FSTL4: variants seen among roughly 807,000 people sequenced by gnomAD.
FSTL4 encodes the protein follistatin-related protein 4.
In FSTL4, 28 loss-of-function variants were observed where a neutral mutation model predicts 78.2. That is an observed-to-expected ratio of 0.36 (90% CI 0.27 to 0.49). FSTL4 has a LOEUF of 0.49. Among genes scored for constraint, FSTL4 ranks in the 20% least tolerant of loss-of-function variants. FSTL4 has a pLI of 0.98. For missense variants in FSTL4, 922 were observed against 1,084.9 expected (o/e 0.85, Z 2.11); for synonymous variants, 422 against 440.5 (o/e 0.96, Z 0.53).
At chr5:133,618,801 C>CTG in the FSTL4 span, among the ~76,000 whole-genome samples, 2 of 152,206 alleles carry the variant, frequency 1.3e-5, no homozygotes, top group Non-Finnish European at 2.9e-5. Flanking sequence ...CAGTTACACA[C>CTG]TGTGTGTGTA....
At chr5:133,713,875 T>C in the FSTL4 span, among the ~76,000 whole-genome samples, 1 of 152,180 alleles carries the variant, frequency 6.6e-6, no homozygotes, top group East Asian at 1.9e-4. Context: ...ACTGTAGTGT[T>C]GGGCAATGCA....
At chr5:133,234,435 T>C (rs6596115) in intron 7 of FSTL4, among the ~76,000 whole-genome samples, 14,148 of 152,256 alleles carry the variant, frequency 0.093, 1,963 homozygotes, top group African/African-American at 0.3. Flanking sequence ...CAGAGTCCCC[T>C]GATGAGCACT....
chr5:133,319,527 C>A lies in FSTL4; in HGVS notation c.410-2875G>T, dbSNP rs1753995923. ...GGAGCAGGACTGCGCGTGCAGGAGC[C>A]ATGGTGGGGCACGTCTGGAGACTGG... On this transcript the variant is annotated intron_variant, in intron 4 of 15. Coordinates refer to ENST00000265342, the MANE Select transcript of FSTL4 (RefSeq NM_015082.2). Among the ~76,000 whole-genome samples, 4 of 152,218 alleles carry A rather than the reference C, an allele frequency of 2.6e-5. No homozygotes were observed. The South Asian group carries it at 8.3e-4, about 32-fold the overall frequency.
chr5:133,697,368 T>C, the FSTL4 span, among the ~76,000 whole-genome samples: 20 of 152,190 alleles, frequency 1.3e-4, no homozygotes, highest in African/African-American at 4.8e-4. Flanking sequence ...CCAGCCACAC[T>C]GGGCAGCCAC....
intron 15 of FSTL4, among the ~76,000 whole-genome samples, chr5:133,200,407 G>C (rs1750281460): frequency 1.3e-5 from 2 of 152,224 alleles, no homozygotes; most frequent in South Asian, 2.1e-4. Context: ...GGGCATTGGG[G>C]TTGAGGACAG....
At chr5:133,652,652 T>C in the FSTL4 span, among the ~76,000 whole-genome samples, 2 of 152,212 alleles carry the variant, frequency 1.3e-5, no homozygotes, top group Non-Finnish European at 2.9e-5. Flanking sequence ...CTCGTAAGCA[T>C]GTTAAGGTGT....
At chr5:133,510,919 C>T (rs572964197) in intron 3 of FSTL4, among the ~76,000 whole-genome samples, 22 of 152,142 alleles carry the variant, frequency 1.4e-4, no homozygotes, top group Non-Finnish European at 2.8e-4. Context: ...CCAGCTCTCG[C>T]TCAAAAAGGG....
At chr5:133,618,153 G>A in the FSTL4 span, among the ~76,000 whole-genome samples, 63,221 of 151,952 alleles carry the variant, frequency 0.42, 13,493 homozygotes, top group African/African-American at 0.51. Context: ...AGATACAGTA[G>A]GAGATTAACA....
rs77524950 is a variant in FSTL4 at position 133,361,348 on chromosome 5, T to C, written c.409+39390A>G. On this transcript the variant is annotated intron_variant, in intron 4 of 15. Transcript: ENST00000265342. This position sits in a 1 kb window ranked among gnomAD's most constrained non-coding sequence, Gnocchi z 4.3. ...CTTGAGATTTCGCGGTTGACTGCGA[T>C]AATCCTTTATAGTTATTTACTATCT... 4.8e-3 allele frequency among the ~76,000 whole-genome samples: 735 copies of C among 152,344 alleles called. 7 individuals carry two copies. The highest frequency in any genetic ancestry group is 0.017 in the African/African-American group (697 of 41,588).
rs1460027668 is a variant in FSTL4 at position 133,473,934 on chromosome 5, A to G, written c.161-72948T>C. Reference sequence around the variant, plus strand: ...GGGGAGCTGCCCCCATAATCTAATCACCTCCCATGAGGTCCCTCCCCCAAT... The same window carrying G: ...GGGGAGCTGCCCCCATAATCTAATCGCCTCCCATGAGGTCCCTCCCCCAAT... On this transcript the variant is annotated intron_variant, in intron 3 of 15. Transcript: ENST00000265342. Among the ~76,000 whole-genome samples the G allele has an allele frequency of 2.0e-5, 3 of 151,720 alleles. No homozygotes were observed. In the East Asian group the frequency reaches 5.8e-4, roughly 29 times the overall value.
chr5:133,699,871 A>T, the FSTL4 span, among the ~76,000 whole-genome samples: 21 of 99,086 alleles, frequency 2.1e-4, no homozygotes, highest in African/African-American at 8.5e-4. Context: ...AAAGAGTGAG[A>T]CTCCATCTCA....
At chr5:133,772,306 T>A in the FSTL4 span, among the ~76,000 whole-genome samples, 2 of 152,208 alleles carry the variant, frequency 1.3e-5, no homozygotes, top group Non-Finnish European at 1.5e-5. Flanking sequence ...ATCTCTCTTA[T>A]CTTGTCATTT....
At chr5:133,592,158 C>T (rs1760643852) in intron 2 of FSTL4, among the ~76,000 whole-genome samples, 1 of 152,146 alleles carries the variant, frequency 6.6e-6, no homozygotes, top group Non-Finnish European at 1.5e-5. Context: ...AGGTCCTTCC[C>T]AATCCCACCT....
the FSTL4 span, among the ~76,000 whole-genome samples, chr5:133,628,352 T>C: frequency 7.1e-6 from 1 of 141,406 alleles, no homozygotes; most frequent in Non-Finnish European, 1.5e-5. Flanking sequence ...GTTTCTTTTC[T>C]TTTCTTTTCT....
chr5:133,491,717 G>A (rs1758270943), intron 3 of FSTL4, among the ~76,000 whole-genome samples: 1 of 151,858 alleles, frequency 6.6e-6, no homozygotes, highest in Non-Finnish European at 1.5e-5. Flanking sequence ...TTTTCTTTTA[G>A]TATTTGTTAG....
chr5:133,330,074 G>C (rs899893227), intron 4 of FSTL4, among the ~76,000 whole-genome samples: 3 of 152,078 alleles, frequency 2.0e-5, no homozygotes, highest in Non-Finnish European at 4.4e-5. Context: ...CATAACAGAC[G>C]TGTAACAGGT....
intron 3 of FSTL4, among the ~76,000 whole-genome samples, chr5:133,481,808 A>G (rs1336581957): frequency 5.3e-5 from 8 of 152,178 alleles, no homozygotes; most frequent in Admixed American, 5.2e-4. Context: ...ATCAAAAGGA[A>G]GAGGTCTGCT....
At chr5:133,467,102 GTA>G (rs1561728418) in intron 3 of FSTL4, among the ~76,000 whole-genome samples, 1 of 151,892 alleles carries the variant, frequency 6.6e-6, no homozygotes, top group Admixed American at 6.6e-5. Flanking sequence ...GAGTGTGTGT[GTA>G]TATATGTCTG....
the FSTL4 span, among the ~76,000 whole-genome samples, chr5:133,640,906 T>A: frequency 6.6e-6 from 1 of 152,234 alleles, no homozygotes; most frequent in South Asian, 2.1e-4. Context: ...CTAGGCTTCA[T>A]GTTTCATAAT....
Sources: allele counts gnomAD v4.1 joint callset (sites outside exome capture counted in the v4.1 genomes callset), GRCh38; gene constraint gnomAD v4.1.1; non-coding constraint Gnocchi (gnomAD v3.1); transcripts MANE v1.5; gene names NCBI Gene and HGNC (gene_info 2026-07-23, HGNC 2026-07-21).